The following ADGRF1 variants were observed in gnomAD, a reference collection of about 807,000 sequenced individuals.
ADGRF1 encodes the protein adhesion G protein-coupled receptor F1.
A neutral mutation model predicts 87.2 loss-of-function variants in ADGRF1; 85 were observed. That is an observed-to-expected ratio of 0.97 (90% CI 0.82 to 1.17). The LOEUF is 1.17. Among genes scored for constraint, ADGRF1 ranks in the 50% most tolerant of loss-of-function variants. ADGRF1 has a pLI of 0.00. For missense variants in ADGRF1, 1,169 were observed against 1,077.2 expected (o/e 1.09, Z -1.19); for synonymous variants, 430 against 408.8 (o/e 1.05, Z -0.63).
intron 13 of ADGRF1, among the ~76,000 whole-genome samples, chr6:47,004,021 T>A (rs542628127): frequency 1.5e-3 from 229 of 152,270 alleles, no homozygotes; most frequent in Non-Finnish European, 2.6e-3. Context: ...GGAGTCCTCT[T>A]CTGCCCATTA....
chr6:47,028,457 G>T (rs1200888403), intron 2 of ADGRF1, among the ~76,000 whole-genome samples: 3 of 152,216 alleles, frequency 2.0e-5, no homozygotes, highest in African/African-American at 7.2e-5. Context: ...GAAGGATTGG[G>T]TTCGATTTTG....
At position 47,014,654 on chromosome 6, in the gene ADGRF1, C is replaced by A. The variant is rs759158195; in HGVS notation, c.927+27G>T. On this transcript the variant is annotated intron_variant, in intron 9 of 14. Transcript: ENST00000371253. ...GCCACTCTGAAACTCAAGACCAGGG[C>A]AAGTCTACACAGTGAAAATGCCTCA... 2.8e-5 allele frequency: 45 copies of A among 1,602,622 alleles called. 1 individual carries two copies. The highest frequency in any genetic ancestry group is 1.6e-4 in the South Asian group (14 of 89,386).
chr6:47,017,480 A>C (rs1413430597), intron 7 of ADGRF1: 1 of 152,176 alleles, frequency 6.6e-6, no homozygotes, highest in Non-Finnish European at 1.5e-5. Flanking sequence ...TTCAGGTTTT[A>C]TTTGGAGCCA....
rs371878442 is a variant in ADGRF1, at chr6:47,010,124, G to A, written c.1311C>T (p.Asn437=). 2 of 1,614,138 alleles carry A rather than the reference G, an allele frequency of 1.2e-6. No homozygotes were observed. Among genetic ancestry groups the A allele is most frequent in the East Asian group, 2.2e-5 (1 of 44,876 alleles). ...TGTAACCCCTTTTGAGTTGGCTTTT[G>A]TTCACTGGAATCCCTTTCCAGTCAA... ...KFIDWKGIPV[N]KSQLKRGYSY... is the part of the protein sequence containing the mutation. The change falls in exon 11 of 15, where the codon AAC becomes AAT. Residue 437 remains asparagine (N), a synonymous_variant. Transcript: ENST00000371253.
At chr6:47,021,482 C>G (rs1780049971) in intron 6 of ADGRF1, among the ~76,000 whole-genome samples, 1 of 152,040 alleles carries the variant, frequency 6.6e-6, no homozygotes, top group African/African-American at 2.4e-5. Context: ...TGCCTCATCA[C>G]CTGAGTATCT....
At chr6:47,012,857 C>A in intron 9 of ADGRF1, 1 of 802,764 alleles carries the variant, frequency 1.2e-6, no homozygotes, top group Non-Finnish European at 1.5e-6. Context: ...GCAACCTCTG[C>A]CTCCCAGGTT....
intron 7 of ADGRF1, chr6:47,019,378 G>T: frequency 1.0e-6 from 1 of 985,242 alleles, no homozygotes; most frequent in Non-Finnish European, 1.2e-6. Flanking sequence ...TATAGCAAAT[G>T]CTGTTGAAAA....
chr6:47,035,685 T>C (rs1418339833), intron 1 of ADGRF1, among the ~76,000 whole-genome samples: 5 of 152,216 alleles, frequency 3.3e-5, no homozygotes, highest in Admixed American at 3.3e-4. Context: ...TTAGTTTTTG[T>C]TGCTTGGGGC....
At chr6:47,041,137 C>T (rs1220395822) in intron 1 of ADGRF1, among the ~76,000 whole-genome samples, 1 of 152,106 alleles carries the variant, frequency 6.6e-6, no homozygotes, top group East Asian at 1.9e-4. Context: ...AAATAATTTG[C>T]TCAATGTTTT....
At chr6:47,032,613 T>C (rs560453974) in intron 1 of ADGRF1, among the ~76,000 whole-genome samples, 1 of 152,334 alleles carries the variant, frequency 6.6e-6, no homozygotes, top group Non-Finnish European at 1.5e-5. Context: ...TGGATGCCCT[T>C]TGGAATTGTC....
Position 47,023,324 on chromosome 6 carries a change from A to G in ADGRF1, c.451+720T>C, listed in dbSNP as rs938775319. Among the ~76,000 whole-genome samples the G allele has an allele frequency of 4.6e-5, 7 of 152,208 alleles. No individual in the cohort carries two copies. The East Asian group carries it at 1.4e-3, about 29-fold the overall frequency. On this transcript the variant is annotated intron_variant, in intron 5 of 14. Transcript: ENST00000371253. Reference sequence around the variant, plus strand: ...CCATAACCTGAATTGCTGTAGTCCCAGGAAGGAGAGCCAGTATTCCCAATT... The same window carrying G: ...CCATAACCTGAATTGCTGTAGTCCCGGGAAGGAGAGCCAGTATTCCCAATT...
chr6:47,021,530 T>C (rs1036596052), intron 6 of ADGRF1, among the ~76,000 whole-genome samples: 2 of 152,132 alleles, frequency 1.3e-5, no homozygotes, highest in Non-Finnish European at 2.9e-5. Context: ...CTGCTAATTT[T>C]TGTGTTTTTT....
Position 46,998,382 on chromosome 6 carries a change from C to A in ADGRF1, c.*1840G>T, listed in dbSNP as rs935680223. 2 of 152,190 alleles carry A rather than the reference C, an allele frequency of 1.3e-5. No individual in the cohort carries two copies. Among genetic ancestry groups the A allele is most frequent in the Non-Finnish European group, 2.9e-5 (2 of 68,074 alleles). The allele number at this position is 152,190 out of a possible 1,614,324, so 9.4% of individuals were successfully genotyped here. On this transcript the variant is annotated 3_prime_UTR_variant, in exon 15 of 15. Coordinates refer to ENST00000371253, the MANE Select transcript of ADGRF1 (RefSeq NM_153840.4). ...TGGCTTCACCTCCCACTTCTTGATG[C>A]TGGGTTCCCTCCACCTCTTTGGACA... is the stretch of plus-strand genomic sequence containing the variant.
rs774573444 is a variant in ADGRF1, at chr6:47,009,241, CAT to C, written c.2192_2193del (p.Asp731GlyfsTer5). 2.5e-6 allele frequency: 4 copies of C among 1,614,186 alleles called. No homozygotes were observed. The highest frequency in any genetic ancestry group is 3.4e-6 in the Non-Finnish European group (4 of 1,180,032). On this transcript the variant is annotated frameshift_variant, in exon 11 of 15. Coordinates refer to ENST00000371253, the MANE Select transcript of ADGRF1 (RefSeq NM_153840.4). LOFTEE classifies it high-confidence loss of function. Reference protein sequence around the residue: ...TQPSNTYKRKDVCWLNWSNGS... With the variant: ...TQPSNTYKRKXVCWLNWSNGS... Reference sequence around the variant, plus strand: ...CCATTGGACCAGTTAAGCCAACACACATCTTTCCTTTTGTAGGTATTGCTAGG... The same window carrying C: ...CCATTGGACCAGTTAAGCCAACACACCTTTCCTTTTGTAGGTATTGCTAGG...
rs996563332 is a variant in ADGRF1 at position 47,015,077 on chromosome 6, C to T, written c.764-233G>A. On this transcript the variant is annotated intron_variant, in intron 8 of 14. Coordinates refer to ENST00000371253, the MANE Select transcript of ADGRF1 (RefSeq NM_153840.4). ...AGGCTGACTCCTCCTTCCAGGTGTC[C>T]GATCTGTGCCAACAATATCACTTTT... Among the ~76,000 whole-genome samples the T allele has an allele frequency of 4.6e-5, 7 of 152,060 alleles. No homozygotes were observed. In the East Asian group the frequency reaches 5.8e-4, roughly 13 times the overall value.
chr6:47,025,208 C>T (rs1294437025), intron 4 of ADGRF1, among the ~76,000 whole-genome samples: 1 of 152,002 alleles, frequency 6.6e-6, no homozygotes, highest in Non-Finnish European at 1.5e-5. Flanking sequence ...TGTGAAAATA[C>T]CCATGGTGTG....
chr6:47,031,518 TCCCA>T (rs988441767), intron 1 of ADGRF1, among the ~76,000 whole-genome samples: 4 of 152,140 alleles, frequency 2.6e-5, no homozygotes, highest in African/African-American at 9.6e-5. Context: ...TTCCCTCTTC[TCCCA>T]CCCTAGAGAT....
chr6:47,023,009 G>C (rs867442085), intron 5 of ADGRF1, among the ~76,000 whole-genome samples: 6 of 151,458 alleles, frequency 4.0e-5, no homozygotes, highest in Non-Finnish European at 7.4e-5. Flanking sequence ...ATGCATTTTT[G>C]CCATGTTGCC....
chr6:47,021,536 T>C (rs899432637), intron 6 of ADGRF1, among the ~76,000 whole-genome samples: 14 of 152,064 alleles, frequency 9.2e-5, no homozygotes, highest in Non-Finnish European at 1.6e-4. Flanking sequence ...ATTTTTGTGT[T>C]TTTTAGTAGA....
Sources: gnomAD v4.1 joint callset for allele counts (sites outside exome capture counted in the v4.1 genomes callset) on GRCh38, gnomAD v4.1.1 for gene constraint, MANE v1.5 for transcripts, NCBI Gene and HGNC (gene_info 2026-07-23, HGNC 2026-07-21) for gene names.